The following IFT56 variants were observed in gnomAD, a reference collection of about 807,000 sequenced individuals.
The protein encoded by IFT56 is intraflagellar transport protein 56.
chr7:139,175,028 G>T, the IFT56 span, among the ~76,000 whole-genome samples: 8 of 130,900 alleles, frequency 6.1e-5, no homozygotes, highest in Non-Finnish European at 8.9e-5. Context: ...TCTCAAAAAA[G>T]AAAGAAAGAA....
the IFT56 span, among the ~76,000 whole-genome samples, chr7:139,146,697 G>A: frequency 5.3e-5 from 8 of 150,316 alleles, no homozygotes; most frequent in East Asian, 1.6e-3. Flanking sequence ...AACCTGGGAG[G>A]CAGAGGTTGC....
chr7:139,157,372 C>T, the IFT56 span, among the ~76,000 whole-genome samples: 1 of 151,720 alleles, frequency 6.6e-6, no homozygotes, highest in Non-Finnish European at 1.5e-5. Flanking sequence ...GTCTTGAACT[C>T]CTGACCTCAG....
At chr7:139,166,490 T>A in the IFT56 span, among the ~76,000 whole-genome samples, 1 of 151,698 alleles carries the variant, frequency 6.6e-6, no homozygotes, top group Admixed American at 6.6e-5. Context: ...AATCTCAGAC[T>A]TCATGTCATT....
chr7:139,189,389 G>A, the IFT56 span: 107 of 1,613,018 alleles, frequency 6.6e-5, no homozygotes, highest in Admixed American at 1.0e-4. Context: ...TACATGATCC[G>A]GATCATGAAG....
At chr7:139,156,390 T>C in the IFT56 span, among the ~76,000 whole-genome samples, 2 of 88,334 alleles carry the variant, frequency 2.3e-5, no homozygotes, top group East Asian at 1.0e-3. Flanking sequence ...TAGTTTTCTC[T>C]TTTTTTTTTA....
At chr7:139,187,324 C>T in the IFT56 span, 3 of 1,523,282 alleles carry the variant, frequency 2.0e-6, no homozygotes, top group East Asian at 4.6e-5. Flanking sequence ...CATACAGTCC[C>T]GTTTCATGTT....
chr7:139,187,562 C>T, the IFT56 span: 1 of 1,612,964 alleles, frequency 6.2e-7, no homozygotes. Flanking sequence ...GCAAGAAATA[C>T]TACCTCTACT....
the IFT56 span, chr7:139,147,223 A>G: frequency 6.2e-7 from 1 of 1,613,692 alleles, no homozygotes; most frequent in Non-Finnish European, 8.5e-7. Context: ...TTTGGCCTCA[A>G]TCCACTATAT....
At chr7:139,168,403 T>G in the IFT56 span, 5 of 1,609,206 alleles carry the variant, frequency 3.1e-6, no homozygotes, top group South Asian at 5.5e-5. Context: ...GTTCAGTGAG[T>G]ATGAAATCAC....
the IFT56 span, chr7:139,148,187 T>C: frequency 6.3e-7 from 1 of 1,594,412 alleles, no homozygotes; most frequent in Non-Finnish European, 8.6e-7. Context: ...TGGTTAACCC[T>C]AATTCTTTCA....
At chr7:139,172,528 G>A in the IFT56 span, 2 of 491,478 alleles carry the variant, frequency 4.1e-6, no homozygotes, top group Non-Finnish European at 8.0e-6. Flanking sequence ...AAATTGCCCG[G>A]AGATTCTTGC....
chr7:139,184,026 G>A, the IFT56 span, among the ~76,000 whole-genome samples: 40 of 152,070 alleles, frequency 2.6e-4, no homozygotes, highest in African/African-American at 9.4e-4. Flanking sequence ...GCCTCTTCCC[G>A]TTGTGCCCCG....
chr7:139,160,780 T>C, the IFT56 span, among the ~76,000 whole-genome samples: 3 of 152,224 alleles, frequency 2.0e-5, no homozygotes, highest in African/African-American at 7.2e-5. Flanking sequence ...CATTTATTAT[T>C]GCTCTCATTT....
the IFT56 span, among the ~76,000 whole-genome samples, chr7:139,175,820 TTTTG>T: frequency 2.0e-5 from 3 of 151,712 alleles, no homozygotes; most frequent in Non-Finnish European, 4.4e-5. Context: ...AGTATTTGGT[TTTTG>T]TTTGTTTGTT....
the IFT56 span, chr7:139,160,928 C>T: frequency 2.9e-5 from 47 of 1,604,428 alleles, no homozygotes; most frequent in Non-Finnish European, 2.4e-5. Context: ...TTTCATAAGC[C>T]TTTCTTCTTT....
the IFT56 span, among the ~76,000 whole-genome samples, chr7:139,157,479 C>CT: frequency 7.4e-6 from 1 of 135,008 alleles, no homozygotes; most frequent in African/African-American, 2.8e-5. Context: ...AGGTTTTGTG[C>CT]TTTTTTTTGT....
the IFT56 span, among the ~76,000 whole-genome samples, chr7:139,143,688 C>T: frequency 1.3e-5 from 2 of 151,980 alleles, no homozygotes; most frequent in Non-Finnish European, 2.9e-5. Flanking sequence ...TTTACAAATA[C>T]AGTTAGCTTC....
At chr7:139,185,221 G>A in the IFT56 span, among the ~76,000 whole-genome samples, 1 of 151,896 alleles carries the variant, frequency 6.6e-6, no homozygotes, top group African/African-American at 2.4e-5. Flanking sequence ...GAGTAATTCG[G>A]TATCTTGATA....
the IFT56 span, among the ~76,000 whole-genome samples, chr7:139,174,702 G>T: frequency 2.0e-5 from 3 of 152,058 alleles, no homozygotes; most frequent in Non-Finnish European, 4.4e-5. Context: ...ATGAGCAAAA[G>T]CTCTGAACAG....
Sources: gnomAD v4.1 joint callset for allele counts (sites outside exome capture counted in the v4.1 genomes callset) on GRCh38, gnomAD v4.1.1 for gene constraint, MANE v1.5 for transcripts, NCBI Gene and HGNC (gene_info 2026-07-23, HGNC 2026-07-21) for gene names.